The following TBCD variants were observed in gnomAD, a reference collection of about 807,000 sequenced individuals.
TBCD encodes tubulin folding cofactor D, also known as tubulin-specific chaperone D.
In TBCD, 105 loss-of-function variants were observed where a neutral mutation model predicts 169.3. The observed-to-expected ratio is 0.62, with a 90% CI of 0.53 to 0.73. The LOEUF is 0.73. Ranked by LOEUF, TBCD falls within the 30% of genes least tolerant of loss-of-function variation. The probability of loss-of-function intolerance (pLI) is 0.00; values close to 1 mark genes in which losing one functional copy is unlikely to be tolerated. For missense variants in TBCD, 1,444 were observed against 1,600.1 expected (o/e 0.90, Z 1.66); for synonymous variants, 700 against 643.9 (o/e 1.09, Z -1.32).
intron 13 of TBCD, among the ~76,000 whole-genome samples, chr17:82,837,189 G>C (rs2054061519): frequency 6.6e-6 from 1 of 152,212 alleles, no homozygotes; most frequent in Admixed American, 6.5e-5. Flanking sequence ...GATGATGTCA[G>C]CCTGTGAGTT....
In TBCD at chr17:82,790,776, A is replaced by C. The variant is rs77835922; in HGVS notation, c.772-6981A>C. ...CTCTTCCACATGGTGTCCACAGTGG[A>C]TAACCACATCCACTGGCCTCCTGGT... On this transcript the variant is annotated intron_variant, in intron 7 of 38. Transcript: ENST00000355528. Among the ~76,000 whole-genome samples the C allele has an allele frequency of 6.1e-3, 934 of 152,202 alleles. 3 individuals are homozygous for C. Among genetic ancestry groups the C allele is most frequent in the Non-Finnish European group, 0.011 (723 of 68,016 alleles).
intron 12 of TBCD, among the ~76,000 whole-genome samples, chr17:82,812,688 C>T (rs1338909662): frequency 6.6e-6 from 1 of 152,194 alleles, no homozygotes; most frequent in Non-Finnish European, 1.5e-5. Flanking sequence ...GGACTACAGG[C>T]GTGCACCACC....
intron 3 of TBCD, among the ~76,000 whole-genome samples, chr17:82,765,527 C>T (rs1204672525): frequency 4.6e-5 from 7 of 152,168 alleles, no homozygotes; most frequent in African/African-American, 1.7e-4. Flanking sequence ...GCTTGGGGTT[C>T]GTAGTGGCGA....
intron 13 of TBCD, chr17:82,830,972 C>G: frequency 6.2e-7 from 1 of 1,613,488 alleles, no homozygotes; most frequent in African/African-American, 1.3e-5. Context: ...TCATGGAACC[C>G]AACCAGAAAC....
At chr17:82,933,172 G>A (rs948635880) in intron 34 of TBCD, among the ~76,000 whole-genome samples, 66 of 152,242 alleles carry the variant, frequency 4.3e-4, no homozygotes, top group African/African-American at 1.5e-3. Context: ...TGCGCCACGC[G>A]GATGCCCCAG....
At chr17:82,794,423 A>G (rs78683962) in intron 7 of TBCD, among the ~76,000 whole-genome samples, 88 of 152,328 alleles carry the variant, frequency 5.8e-4, no homozygotes, top group African/African-American at 2.0e-3. Flanking sequence ...CTCATTTACC[A>G]TGCAGGGCTG....
Position 82,768,559 on chromosome 17 carries a change from T to C in TBCD, c.575T>C (p.Ile192Thr). ...RMSIMDRILQIAESYLIVSDK... is the reference protein window; with the variant it reads ...RMSIMDRILQTAESYLIVSDK... ...TCCATAATGGACCGTATTCTCCAAA[T>C]AGCAGAGGTAAATATCATGCAGATA... Residue 192 changes from isoleucine to threonine, a missense_variant, in exon 5 of 39, where the codon ATA becomes ACA. By Grantham distance (89) the Ile-to-Thr change is moderately conservative. Coordinates refer to ENST00000355528, the MANE Select transcript of TBCD (RefSeq NM_005993.5). 12 of 1,613,954 alleles carry C rather than the reference T, an allele frequency of 7.4e-6. No individual in the cohort carries two copies. Among genetic ancestry groups the C allele is most frequent in the Non-Finnish European group, 1.0e-5 (12 of 1,179,846 alleles).
At chr17:82,883,407 G>A (rs990259223) in intron 14 of TBCD, among the ~76,000 whole-genome samples, 1 of 152,252 alleles carries the variant, frequency 6.6e-6, no homozygotes, top group African/African-American at 2.4e-5. Flanking sequence ...TGATGAGAGC[G>A]TTCTGGGTTA....
At chr17:82,829,101 C>T (rs535016745) in intron 13 of TBCD, among the ~76,000 whole-genome samples, 13 of 145,584 alleles carry the variant, frequency 8.9e-5, no homozygotes, top group Admixed American at 1.4e-4. Flanking sequence ...CAATTGAATG[C>T]GCACCCCCCA....
chr17:82,777,517 G>A (rs543654427), intron 6 of TBCD, among the ~76,000 whole-genome samples: 4 of 152,048 alleles, frequency 2.6e-5, no homozygotes, highest in South Asian at 4.1e-4. Context: ...ATCTCCAACG[G>A]TAGGTAAGGT....
At chr17:82,860,761 A>T (rs995530395) in intron 13 of TBCD, among the ~76,000 whole-genome samples, 1 of 152,120 alleles carries the variant, frequency 6.6e-6, no homozygotes, top group African/African-American at 2.4e-5. Context: ...GTCTTGTTTC[A>T]TCGCCCGTGT....
chr17:82,898,957 C>T (rs1705137834), intron 17 of TBCD, among the ~76,000 whole-genome samples: 1 of 152,244 alleles, frequency 6.6e-6, no homozygotes, highest in South Asian at 2.1e-4. Flanking sequence ...CTTCCACGGC[C>T]AACACTCCTT....
rs1377692807 is a variant in TBCD, at chr17:82,809,726, C to T, written c.1167C>T (p.Gly389=). The T allele has an allele frequency of 3.7e-6, 6 of 1,613,166 alleles. No homozygotes were observed. The highest frequency in any genetic ancestry group is 4.2e-6 in the Non-Finnish European group (5 of 1,179,420). ...CTTTCAGCATCGGTAGGATGGCTGGCAGGCTTCCCAGAGCCCTGGCGGATG... is the reference window on the plus strand; with the variant it reads ...CTTTCAGCATCGGTAGGATGGCTGGTAGGCTTCCCAGAGCCCTGGCGGATG... ...SAAKGIGRMA[G]RLPRALADDV... Residue 389 remains glycine (G), a synonymous_variant, in exon 12 of 39, where the codon GGC becomes GGT. Transcript: ENST00000355528.
intron 35 of TBCD, 121 bp downstream of exon 35, chr17:82,937,481 C>T (rs2062725780): frequency 2.3e-6 from 2 of 853,350 alleles, no homozygotes; most frequent in African/African-American, 1.7e-5. Context: ...TCAAGCTAAC[C>T]TAAGATCGTG....
chr17:82,930,687 G>A lies in TBCD; in HGVS notation c.3113+44G>A. The A allele has an allele frequency of 6.2e-7, 1 of 1,612,780 alleles. No homozygotes were observed. The highest frequency in any genetic ancestry group is 1.1e-5 in the South Asian group (1 of 91,018). On this transcript the variant is annotated intron_variant, in intron 33 of 38. Transcript: ENST00000355528. The surrounding 1 kb of genome is among the most constrained non-coding windows in gnomAD (Gnocchi z 5.2). ...GGCCTCAGAGGCGTGAGTGGTGCTG[G>A]TGCCTCTCACCACGTTCCCACAGAT...
At chr17:82,799,844 G>A (rs926981436) in intron 8 of TBCD, among the ~76,000 whole-genome samples, 6 of 152,356 alleles carry the variant, frequency 3.9e-5, no homozygotes, top group African/African-American at 1.4e-4. Flanking sequence ...AGAGCCTTCT[G>A]AGAAGTTACT....
rs1343039144 is a variant in TBCD at position 82,945,685 on chromosome 17, T to C, written c.*3222T>C. The C allele has an allele frequency of 6.6e-6, 1 of 152,208 alleles. No homozygotes were observed. Among genetic ancestry groups the C allele is most frequent in the African/African-American group, 2.4e-5 (1 of 41,448 alleles). The allele number at this position is 152,208 out of a possible 1,614,324, so 9.4% of individuals were successfully genotyped here. On this transcript the variant is annotated 3_prime_UTR_variant, in exon 39 of 39. Transcript: ENST00000355528. The stretch of plus-strand genomic sequence containing the variant: ...CATTTGTTTTGAGAGCTGTCCTGTT[T>C]ATTGCAGGGTGTTCAGCAACATCCC...
In TBCD at chr17:82,943,246, G is replaced by A. The variant is rs1367900517; in HGVS notation, c.*783G>A. On this transcript the variant is annotated 3_prime_UTR_variant, in exon 39 of 39. Transcript: ENST00000355528. The stretch of plus-strand genomic sequence containing the variant: ...CACTTGGGTTTTTAGGCAAAGGGCA[G>A]GAGGCTACCTTTGTCTCTGTGTCTG... The A allele has an allele frequency of 1.3e-5, 2 of 152,320 alleles. No individual in the cohort carries two copies. The highest frequency in any genetic ancestry group is 4.8e-5 in the African/African-American group (2 of 41,460). 9.4% of individuals were successfully genotyped at this position (152,320 alleles called of 1,614,324 possible).
At position 82,864,326 on chromosome 17, in the gene TBCD, T is replaced by G. The variant is rs1473612802; in HGVS notation, c.1319-5898T>G. ...CTGCGGGTGCCCAGCCTGTGGGGCT[T>G]CCTCATCGCCCCCATCCAGGCAGAT... is the stretch of plus-strand genomic sequence containing the variant. On this transcript the variant is annotated intron_variant, in intron 13 of 38. Coordinates refer to ENST00000355528, the MANE Select transcript of TBCD (RefSeq NM_005993.5). The surrounding 1 kb of genome is among the most constrained non-coding windows in gnomAD (Gnocchi z 6.3). 6.6e-6 allele frequency: 1 copy of G among 152,244 alleles called. No homozygotes were observed. The highest frequency in any genetic ancestry group is 1.9e-4 in the East Asian group (1 of 5,192). The allele number at this position is 152,244 out of a possible 1,614,324, so 9.4% of individuals were successfully genotyped here. A position where few individuals can be genotyped will look rare whatever the true frequency, so the allele number is the denominator to read the frequency against.
Sources: allele counts gnomAD v4.1 joint callset (sites outside exome capture counted in the v4.1 genomes callset), GRCh38; gene constraint gnomAD v4.1.1; non-coding constraint Gnocchi (gnomAD v3.1); transcripts MANE v1.5; gene names NCBI Gene and HGNC (gene_info 2026-07-23, HGNC 2026-07-21).